ADGRL3: variants seen among roughly 807,000 people sequenced by gnomAD.
ADGRL3 encodes calcium-independent alpha-latrotoxin receptor 3.
ADGRL3 carries 62 observed loss-of-function variants against 153.5 expected under a neutral mutation model. That is an observed-to-expected ratio of 0.40 (90% CI 0.33 to 0.50). ADGRL3 has a LOEUF of 0.50. Ranked by LOEUF, ADGRL3 falls within the 20% of genes least tolerant of loss-of-function variation. The pLI, the probability that ADGRL3 is intolerant of heterozygous loss-of-function variation, is 0.47. For synonymous variants in ADGRL3, 710 were observed against 672.5 expected, an observed-to-expected ratio of 1.06 and a Z score of -0.86; for missense variants, 1,641 against 1,859.4, an observed-to-expected ratio of 0.88 and a Z score of 2.16.
At chr4:61,599,807 C>T (rs1553975427) in intron 5 of ADGRL3, among the ~76,000 whole-genome samples, 1 of 152,126 alleles carries the variant, frequency 6.6e-6, no homozygotes, top group Non-Finnish European at 1.5e-5. Flanking sequence ...AAAATTTTCG[C>T]TTCTGCAGCC....
chr4:61,369,269 G>T (rs1347609960), intron 1 of ADGRL3, among the ~76,000 whole-genome samples: 2 of 152,164 alleles, frequency 1.3e-5, no homozygotes. Context: ...ACACTATGTT[G>T]AATAGGAGTG....
intron 2 of ADGRL3, among the ~76,000 whole-genome samples, chr4:61,464,279 T>C (rs1289945985): frequency 2.0e-5 from 3 of 152,142 alleles, no homozygotes; most frequent in African/African-American, 4.8e-5. Flanking sequence ...GTAGCAGAAC[T>C]GACTATAGTT....
At chr4:61,958,135 T>C (rs2098974403) in intron 17 of ADGRL3, among the ~76,000 whole-genome samples, 1 of 152,184 alleles carries the variant, frequency 6.6e-6, no homozygotes, top group African/African-American at 2.4e-5. Context: ...TTGAAACGTA[T>C]TTATCTTCTC....
intron 4 of ADGRL3, among the ~76,000 whole-genome samples, chr4:61,523,118 A>C (rs1295409978): frequency 6.6e-6 from 1 of 151,888 alleles, no homozygotes; most frequent in South Asian, 2.1e-4. Flanking sequence ...TGAGACGATG[A>C]TGAGTAATCC....
chr4:61,980,565 G>A (rs1308237327), intron 18 of ADGRL3, among the ~76,000 whole-genome samples: 3 of 151,730 alleles, frequency 2.0e-5, no homozygotes, highest in Admixed American at 1.3e-4. Context: ...ACAGCCTCTG[G>A]AGTAGCTGGG....
At chr4:61,366,724 T>C (rs2096405040) in intron 1 of ADGRL3, among the ~76,000 whole-genome samples, 1 of 152,210 alleles carries the variant, frequency 6.6e-6, no homozygotes, top group Non-Finnish European at 1.5e-5. Flanking sequence ...TAACAGTTTG[T>C]CTGGATTATG....
chr4:61,277,020 T>TA (rs1192650223), intron 1 of ADGRL3, among the ~76,000 whole-genome samples: 3 of 152,072 alleles, frequency 2.0e-5, no homozygotes, highest in Non-Finnish European at 4.4e-5. Context: ...AACTACCCCC[T>TA]ATTTCATTTG....
Position 62,072,386 on chromosome 4 carries a change from T to A in ADGRL3, c.*1478T>A, listed in dbSNP as rs1191136138. Reference sequence around the variant, plus strand: ...GTTGGATGACCTCATTACTAATATTTGTTGTAAAAGTGAAACTTGTTTGCC... The same window carrying A: ...GTTGGATGACCTCATTACTAATATTAGTTGTAAAAGTGAAACTTGTTTGCC... On this transcript the variant is annotated 3_prime_UTR_variant, in exon 27 of 27. Coordinates refer to ENST00000683033, the MANE Select transcript of ADGRL3 (RefSeq NM_001387552.1). The A allele has an allele frequency of 2.0e-5, 3 of 152,752 alleles. No individual in the cohort carries two copies. Among genetic ancestry groups the A allele is most frequent in the East Asian group, 3.9e-4 (2 of 5,180 alleles). The allele number at this position is 152,752 out of a possible 1,614,324, so 9.5% of individuals were successfully genotyped here.
intron 9 of ADGRL3, among the ~76,000 whole-genome samples, chr4:61,856,371 T>C (rs919209045): frequency 1.3e-5 from 2 of 148,844 alleles, no homozygotes; most frequent in African/African-American, 2.5e-5. Context: ...CTTCCCTTCC[T>C]TCCTTCCTTC....
chr4:61,805,202 A>G (rs1194847647), intron 8 of ADGRL3, among the ~76,000 whole-genome samples: 2 of 152,072 alleles, frequency 1.3e-5, no homozygotes, highest in Middle Eastern at 3.2e-3. Context: ...TCGGTCTCCC[A>G]AAGTGCTGGG....
chr4:61,836,023 C>A (rs547643162), intron 9 of ADGRL3, among the ~76,000 whole-genome samples: 1 of 152,168 alleles, frequency 6.6e-6, no homozygotes, highest in Non-Finnish European at 1.5e-5. Context: ...CTGACATGGT[C>A]GCAAAGTTAA....
At chr4:61,582,941 A>G (rs986650552) in intron 4 of ADGRL3, among the ~76,000 whole-genome samples, 2 of 152,102 alleles carry the variant, frequency 1.3e-5, no homozygotes, top group Non-Finnish European at 2.9e-5. Flanking sequence ...ATATATTAAC[A>G]TGATTTTAGC....
rs111471973 is a variant in ADGRL3, at chr4:61,555,955, T to A, written c.260-31272T>A. Among the ~76,000 whole-genome samples, 1,507 of 152,234 alleles carry A rather than the reference T, an allele frequency of 9.9e-3. 11 individuals are homozygous for A. The highest frequency in any genetic ancestry group is 0.017 in the Middle Eastern group (5 of 294). On this transcript the variant is annotated intron_variant, in intron 4 of 26. Transcript: ENST00000683033. ...TTTAGCCGGCTTCTTTACTACAACC[T>A]GTTTTATCAGCAAGGTCTTTATGAC...
At chr4:61,987,817 C>T (rs1448252554) in intron 19 of ADGRL3, among the ~76,000 whole-genome samples, 1 of 151,928 alleles carries the variant, frequency 6.6e-6, no homozygotes, top group Admixed American at 6.6e-5. Flanking sequence ...AGAATAAAAC[C>T]ATTGAATATC....
intron 1 of ADGRL3, among the ~76,000 whole-genome samples, chr4:61,322,725 C>T (rs1292626361): frequency 4.6e-5 from 7 of 152,212 alleles, no homozygotes; most frequent in Non-Finnish European, 7.3e-5. Context: ...TGGGGCAGCT[C>T]CACCCCTGTG....
intron 25 of ADGRL3, among the ~76,000 whole-genome samples, chr4:62,046,409 G>A (rs1164232047): frequency 6.6e-6 from 1 of 151,746 alleles, no homozygotes; most frequent in Non-Finnish European, 1.5e-5. Flanking sequence ...AACGCTACTA[G>A]TTTCTTCCTT....
intron 1 of ADGRL3, among the ~76,000 whole-genome samples, chr4:61,263,853 G>A (rs1007742979): frequency 1.1e-4 from 17 of 151,774 alleles, no homozygotes; most frequent in African/African-American, 4.1e-4. Context: ...AGAGCTTCAT[G>A]GTTATAGATA....
intron 1 of ADGRL3, among the ~76,000 whole-genome samples, chr4:61,305,499 G>A (rs2094744967): frequency 6.6e-6 from 1 of 152,062 alleles, no homozygotes; most frequent in African/African-American, 2.4e-5. Flanking sequence ...GGAGTTGGAG[G>A]GTCTGGGGCA....
intron 9 of ADGRL3, among the ~76,000 whole-genome samples, chr4:61,832,596 T>C (rs1417572598): frequency 6.6e-6 from 1 of 152,126 alleles, no homozygotes; most frequent in Non-Finnish European, 1.5e-5. Flanking sequence ...TTGTGGGGAA[T>C]TATTTTCTGT....
Sources: gnomAD v4.1 joint callset for allele counts (sites outside exome capture counted in the v4.1 genomes callset) on GRCh38, gnomAD v4.1.1 for gene constraint, MANE v1.5 for transcripts, NCBI Gene and HGNC (gene_info 2026-07-23, HGNC 2026-07-21) for gene names.